The following IPO8 variants were observed in gnomAD, a reference collection of about 807,000 sequenced individuals.
The protein encoded by IPO8 is importin-8.
IPO8 carries 65 observed loss-of-function variants against 141.2 expected under a neutral mutation model. The observed-to-expected ratio is 0.46, with a 90% CI of 0.38 to 0.57. IPO8 has a LOEUF of 0.57. Among genes scored for constraint, IPO8 ranks in the 20% least tolerant of loss-of-function variants. The probability of loss-of-function intolerance (pLI) is 0.00; values close to 1 mark genes in which losing one functional copy is unlikely to be tolerated. For synonymous variants in IPO8, 411 were observed against 420.3 expected (o/e 0.98, Z 0.27); for missense variants, 980 against 1,246.8 (o/e 0.79, Z 3.22).
chr12:30,668,580 G>A (rs920925755), intron 10 of IPO8, among the ~76,000 whole-genome samples: 1 of 152,200 alleles, frequency 6.6e-6, no homozygotes, highest in African/African-American at 2.4e-5. Flanking sequence ...AGATAGGTAT[G>A]CAAATTAATA....
chr12:30,643,976 C>A (rs1231795380), intron 20 of IPO8, among the ~76,000 whole-genome samples: 1 of 152,208 alleles, frequency 6.6e-6, no homozygotes, highest in Non-Finnish European at 1.5e-5. Flanking sequence ...ATGTCTTGTG[C>A]TTTACTACCT....
intron 23 of IPO8, 46 bp from the exon 24 acceptor site, chr12:30,632,057 A>G (rs1404623272): frequency 7.9e-7 from 1 of 1,262,718 alleles, no homozygotes; most frequent in Non-Finnish European, 1.1e-6. Flanking sequence ...AGCGACTATT[A>G]ATTTACAGAA....
In IPO8 at chr12:30,681,876, G is replaced by A. The variant is rs2053192753; in HGVS notation, c.324-59C>T. ...GTAATTATAAATACTGTGTTTCAAA[G>A]ACCTCTAATATTTTACATAAAAGTT... On this transcript the variant is annotated intron_variant, in intron 3 of 24. Coordinates refer to ENST00000256079, the MANE Select transcript of IPO8 (RefSeq NM_006390.4). 5.7e-6 allele frequency: 8 copies of A among 1,392,102 alleles called. No homozygotes were observed. In the East Asian group the frequency reaches 1.9e-4, roughly 34 times the overall value. The allele number at this position is 1,392,102 out of a possible 1,614,324, so 86.2% of individuals were successfully genotyped here.
intron 14 of IPO8, 178 bp from the exon 15 acceptor site, chr12:30,662,665 T>A: frequency 1.6e-6 from 1 of 624,060 alleles, no homozygotes; most frequent in Admixed American, 2.5e-5. Context: ...ATATATCAGT[T>A]TCCCAAGAGT....
At position 30,695,061 on chromosome 12, in the gene IPO8, C is replaced by G; in HGVS notation, c.84+503G>C. 2 of 455,402 alleles carry G rather than the reference C, an allele frequency of 4.4e-6. No individual in the cohort carries two copies. The highest frequency in any genetic ancestry group is 4.4e-6 in the Non-Finnish European group (1 of 227,120). The allele number at this position is 455,402 out of a possible 1,614,324, so 28.2% of individuals were successfully genotyped here. A position where few individuals can be genotyped will look rare whatever the true frequency, so the allele number is the denominator to read the frequency against. On this transcript the variant is annotated intron_variant, in intron 1 of 24. Transcript: ENST00000256079. This position sits in a 1 kb window ranked among gnomAD's most constrained non-coding sequence, Gnocchi z 4.2. ...ACTCTCCCAACAGCACTGCCCAGCGCTCCGCAAAACTCGGCCAATCGGTGT... is the reference window on the plus strand; with the variant it reads ...ACTCTCCCAACAGCACTGCCCAGCGGTCCGCAAAACTCGGCCAATCGGTGT...
At chr12:30,691,219 CAAA>C (rs1402240375) in intron 1 of IPO8, among the ~76,000 whole-genome samples, 2 of 152,090 alleles carry the variant, frequency 1.3e-5, no homozygotes, top group Non-Finnish European at 2.9e-5. Context: ...CCCAACAGAG[CAAA>C]ACAGAGAAGA....
At chr12:30,692,878 G>C (rs751459954) in intron 1 of IPO8, among the ~76,000 whole-genome samples, 3 of 152,016 alleles carry the variant, frequency 2.0e-5, no homozygotes, top group Non-Finnish European at 4.4e-5. Context: ...ACTCTTGCTC[G>C]GGCTTTACTC....
chr12:30,695,625 T>C lies in IPO8; in HGVS notation c.23A>G (p.Gln8Arg), dbSNP rs2053331780. The C allele has an allele frequency of 6.2e-7, 1 of 1,614,102 alleles. No individual in the cohort carries two copies. The highest frequency in any genetic ancestry group is 1.3e-5 in the African/African-American group (1 of 75,064). The change falls in exon 1 of 25, where the codon CAG becomes CGG. Residue 8 changes from glutamine to arginine, a missense_variant. Physicochemically the swap from Gln to Arg is conservative, Grantham distance 43. This residue lies in a region of IPO8 where 40 missense variants were observed against 46.3 expected (regional missense o/e 0.86). Transcript: ENST00000256079. The surrounding 1 kb of genome is among the most constrained non-coding windows in gnomAD (Gnocchi z 4.2). Reference protein sequence around the residue: MDLNRIIQALKGTIDPKL... With the variant: MDLNRIIRALKGTIDPKL... ...CGGGTCGATGGTGCCCTTCAGCGCC[T>C]GGATGATCCGGTTGAGGTCCATCTC...
At chr12:30,642,945 C>T (rs1274304096) in intron 20 of IPO8, among the ~76,000 whole-genome samples, 3 of 152,076 alleles carry the variant, frequency 2.0e-5, no homozygotes, top group Non-Finnish European at 4.4e-5. Flanking sequence ...TGGATCTATA[C>T]ATTCATAAGG....
intron 2 of IPO8, among the ~76,000 whole-genome samples, chr12:30,690,108 T>C (rs914986483): frequency 1.2e-4 from 19 of 152,220 alleles, no homozygotes; most frequent in African/African-American, 4.6e-4. Flanking sequence ...ATTACCTCCA[T>C]GATTTGCCAC....
chr12:30,637,461 C>T (rs1399895918), intron 21 of IPO8, among the ~76,000 whole-genome samples: 1 of 152,060 alleles, frequency 6.6e-6, no homozygotes, highest in East Asian at 1.9e-4. Context: ...ATATATGGGC[C>T]TCGGCATAAG....
intron 17 of IPO8, among the ~76,000 whole-genome samples, chr12:30,653,313 A>G (rs1231211734): frequency 6.6e-6 from 1 of 151,942 alleles, no homozygotes; most frequent in Non-Finnish European, 1.5e-5. Flanking sequence ...CAAGGCAAAA[A>G]TTTGTTTTCA....
intron 2 of IPO8, 62 bp from the exon 3 acceptor site, chr12:30,684,519 A>C: frequency 6.5e-7 from 1 of 1,532,390 alleles, no homozygotes; most frequent in Non-Finnish European, 9.0e-7. Flanking sequence ...ATTCAGCCTT[A>C]CAGAGCATGA....
At position 30,695,061 on chromosome 12, in the gene IPO8, C is replaced by T. The variant is rs1294248195; in HGVS notation, c.84+503G>A. On this transcript the variant is annotated intron_variant, in intron 1 of 24. Coordinates refer to ENST00000256079, the MANE Select transcript of IPO8 (RefSeq NM_006390.4). This position sits in a 1 kb window ranked among gnomAD's most constrained non-coding sequence, Gnocchi z 4.2. ...ACTCTCCCAACAGCACTGCCCAGCG[C>T]TCCGCAAAACTCGGCCAATCGGTGT... 9 of 455,284 alleles carry T rather than the reference C, an allele frequency of 2.0e-5. No individual in the cohort carries two copies. Among genetic ancestry groups the T allele is most frequent in the African/African-American group, 1.6e-4 (8 of 50,032 alleles). The allele number at this position is 455,284 out of a possible 1,614,324, so 28.2% of individuals were successfully genotyped here.
Position 30,639,711 on chromosome 12 carries a change from C to T in IPO8, c.2293G>A (p.Val765Ile), listed in dbSNP as rs763153347. Residue 765 changes from valine to isoleucine, a missense_variant, in exon 21 of 25, where the codon GTT becomes ATT. Physicochemically the swap from Val to Ile is conservative, Grantham distance 29. This residue lies in a region of IPO8 where 924 missense variants were observed against 1,153.9 expected (regional missense o/e 0.80). Coordinates refer to ENST00000256079, the MANE Select transcript of IPO8 (RefSeq NM_006390.4). ...DQCIPLFVQL[V>I]LERLTRGVKT... is the part of the protein sequence containing the mutation. ...ACCCCTCGAGTTAATCTCTCCAAAA[C>T]AAGTTGAACGAAGAGTGGAATGCAC... 2.5e-6 allele frequency: 4 copies of T among 1,614,010 alleles called. No homozygotes were observed. The Admixed American group carries it at 5.0e-5, about 20-fold the overall frequency.
chr12:30,634,235 T>A lies in IPO8; in HGVS notation c.2747A>T (p.Gln916Leu), dbSNP rs199586163. The A allele has an allele frequency of 5.6e-6, 9 of 1,613,868 alleles. No individual in the cohort carries two copies. Among genetic ancestry groups the A allele is most frequent in the Non-Finnish European group, 7.6e-6 (9 of 1,179,888 alleles). Reference sequence around the variant, plus strand: ...ATCTTCACCTCTTCCATTATTTGACTGCATTGCTTGAGCAGTTACATTTGT... The same window carrying A: ...ATCTTCACCTCTTCCATTATTTGACAGCATTGCTTGAGCAGTTACATTTGT... ...EETNVTAQAM[Q>L]SNNGRGEDEE... The change falls in exon 23 of 25, where the codon CAG (glutamine) becomes CTG (leucine). Residue 916 changes from glutamine to leucine, a missense_variant. Transcript: ENST00000256079.
chr12:30,684,565 G>A lies in IPO8; in HGVS notation c.167-108C>T. On this transcript the variant is annotated intron_variant, in intron 2 of 24. Transcript: ENST00000256079. ...CCTTCAATGTTAAACATGAAACCCA[G>A]CAAAAATGGATACTCTTACAGGTAT... 5 of 1,031,992 alleles carry A rather than the reference G, an allele frequency of 4.8e-6. No homozygotes were observed. In the Admixed American group the frequency reaches 6.9e-5, roughly 14 times the overall value. The allele number at this position is 1,031,992 out of a possible 1,614,324, so 63.9% of individuals were successfully genotyped here. A position where few individuals can be genotyped will look rare whatever the true frequency, so the allele number is the denominator to read the frequency against.
At chr12:30,645,379 A>G (rs1174693297) in intron 20 of IPO8, among the ~76,000 whole-genome samples, 3 of 152,078 alleles carry the variant, frequency 2.0e-5, no homozygotes, top group Non-Finnish European at 4.4e-5. Flanking sequence ...TCTCAAAAAA[A>G]AAAAAAAAGA....
chr12:30,664,776 G>A (rs2052937956), intron 13 of IPO8, among the ~76,000 whole-genome samples: 1 of 151,500 alleles, frequency 6.6e-6, no homozygotes. Context: ...GGGTCTCACT[G>A]TTGTCCAGGC....
Sources: gnomAD v4.1 joint callset for allele counts (sites outside exome capture counted in the v4.1 genomes callset) on GRCh38, gnomAD v4.1.1 for gene constraint, gnomAD v4.1.1 regional missense constraint, Gnocchi (gnomAD v3.1) non-coding constraint, MANE v1.5 for transcripts, NCBI Gene and HGNC (gene_info 2026-07-23, HGNC 2026-07-21) for gene names.